DENND11: variants seen among roughly 807,000 people sequenced by gnomAD.
The protein encoded by DENND11 is DENN domain containing 11, also known as DENN domain-containing protein 11.
A neutral mutation model predicts 49.2 loss-of-function variants in DENND11; 34 were observed. The observed-to-expected ratio is 0.69, with a 90% confidence interval of 0.53 to 0.92. The LOEUF (loss-of-function observed/expected upper bound fraction) is 0.92, where lower values mean the gene tolerates loss of function less well. Ranked by LOEUF, DENND11 falls within the 40% of genes least tolerant of loss-of-function variation. The pLI, the probability that DENND11 is intolerant of heterozygous loss-of-function variation, is 0.00. For synonymous variants in DENND11, 238 were observed against 230.3 expected (o/e 1.03, Z -0.30); for missense variants, 475 against 581.6 (o/e 0.82, Z 1.88).
intron 4 of DENND11, among the ~76,000 whole-genome samples, chr7:141,671,200 G>T (rs991678880): frequency 1.3e-5 from 2 of 152,108 alleles, no homozygotes; most frequent in Non-Finnish European, 2.9e-5. Context: ...TTTATTTAGA[G>T]AAGTCTCACT....
At chr7:141,682,182 T>C (rs1798157593) in intron 3 of DENND11, among the ~76,000 whole-genome samples, 2 of 152,154 alleles carry the variant, frequency 1.3e-5, no homozygotes, top group South Asian at 4.1e-4. Flanking sequence ...TACTGCGCAC[T>C]ACAGAGAAAT....
chr7:141,668,839 CTT>C (rs1383317045), intron 4 of DENND11, among the ~76,000 whole-genome samples: 2 of 151,890 alleles, frequency 1.3e-5, no homozygotes, highest in Non-Finnish European at 2.9e-5. Context: ...ATTGAAATCT[CTT>C]TCCCTTTTTC....
At chr7:141,695,703 G>A (rs757586865) in intron 1 of DENND11, among the ~76,000 whole-genome samples, 12 of 152,176 alleles carry the variant, frequency 7.9e-5, no homozygotes, top group Non-Finnish European at 1.3e-4. Context: ...CAACAAAAGA[G>A]GTCATCTCAT....
intron 1 of DENND11, among the ~76,000 whole-genome samples, chr7:141,698,968 T>A (rs879264045): frequency 1.4e-5 from 1 of 69,418 alleles, no homozygotes; most frequent in South Asian, 4.8e-4. Context: ...GGGTGTGGGG[T>A]GGGGGGAGGA....
chr7:141,678,118 C>T (rs1398850894), intron 3 of DENND11, among the ~76,000 whole-genome samples: 3 of 152,060 alleles, frequency 2.0e-5, no homozygotes, highest in Non-Finnish European at 2.9e-5. Flanking sequence ...CACACTGCCA[C>T]GCCCAGCTAA....
chr7:141,669,861 G>C (rs370266423), intron 4 of DENND11, among the ~76,000 whole-genome samples: 12 of 140,184 alleles, frequency 8.6e-5, no homozygotes, highest in East Asian at 8.3e-4. Flanking sequence ...CCAGGCTGGA[G>C]TGCAGTGGCG....
chr7:141,665,386 C>T lies in DENND11; in HGVS notation c.821-68G>A, dbSNP rs779704935. 1.2e-4 allele frequency: 191 copies of T among 1,584,176 alleles called. 1 individual carries two copies. The Middle Eastern group carries it at 2.0e-3, about 17-fold the overall frequency. On this transcript the variant is annotated intron_variant, in intron 5 of 8. Transcript: ENST00000536163. ...ACAGCCCTTCCTCCCTCGGAGCCTG[C>T]GGCTCAACACCTCTGCTCCAGGCTA...
chr7:141,692,145 C>T (rs1428683034), intron 1 of DENND11, among the ~76,000 whole-genome samples: 1 of 152,170 alleles, frequency 6.6e-6, no homozygotes, highest in Non-Finnish European at 1.5e-5. Flanking sequence ...ACTTTTATCA[C>T]TTACTGGATT....
intron 1 of DENND11, among the ~76,000 whole-genome samples, chr7:141,688,302 GA>G (rs781026585): frequency 6.6e-6 from 1 of 152,146 alleles, no homozygotes; most frequent in Non-Finnish European, 1.5e-5. Flanking sequence ...CTAGGCATTA[GA>G]AAAACCATCA....
chr7:141,700,312 T>C (rs930015507), intron 1 of DENND11, among the ~76,000 whole-genome samples: 4 of 152,138 alleles, frequency 2.6e-5, no homozygotes, highest in African/African-American at 9.7e-5. Context: ...TATTGGTTTT[T>C]GTCTAGCATT....
chr7:141,687,324 G>T (rs1798258045), intron 1 of DENND11, among the ~76,000 whole-genome samples: 1 of 152,092 alleles, frequency 6.6e-6, no homozygotes, highest in Non-Finnish European at 1.5e-5. Context: ...TGATTATTCA[G>T]TTTCTCCTGA....
chr7:141,696,074 C>G (rs375984259), intron 1 of DENND11, among the ~76,000 whole-genome samples: 94 of 152,280 alleles, frequency 6.2e-4, no homozygotes, highest in African/African-American at 2.2e-3. Flanking sequence ...GCTCAGTTAC[C>G]CAGGCAAAGC....
chr7:141,682,709 G>A (rs1007365241), intron 3 of DENND11, among the ~76,000 whole-genome samples: 2 of 152,076 alleles, frequency 1.3e-5, no homozygotes, highest in Admixed American at 6.5e-5. Flanking sequence ...CTACCTCTAC[G>A]CTATGACATG....
chr7:141,664,774 A>T, intron 7 of DENND11, 130 bp downstream of exon 7: 1 of 1,106,706 alleles, frequency 9.0e-7, no homozygotes, highest in Non-Finnish European at 1.3e-6. Context: ...TTCCATCTCC[A>T]TCCCAGGCAG....
At chr7:141,700,477 GA>G (rs201716585) in intron 1 of DENND11, among the ~76,000 whole-genome samples, 273 of 117,464 alleles carry the variant, frequency 2.3e-3, no homozygotes, top group Admixed American at 6.2e-3. Flanking sequence ...GACACTGTCT[GA>G]AAAAAAAAAA....
At chr7:141,670,462 C>T (rs1226223141) in intron 4 of DENND11, among the ~76,000 whole-genome samples, 1 of 152,066 alleles carries the variant, frequency 6.6e-6, no homozygotes, top group Non-Finnish European at 1.5e-5. Context: ...CATGTAAAAA[C>T]CAACATAGTA....
At chr7:141,692,161 C>A (rs935014748) in intron 1 of DENND11, among the ~76,000 whole-genome samples, 1 of 152,134 alleles carries the variant, frequency 6.6e-6, no homozygotes, top group Middle Eastern at 3.2e-3. Context: ...GGATTTGTGT[C>A]AATGCAACAG....
At chr7:141,699,376 G>C (rs892001054) in intron 1 of DENND11, among the ~76,000 whole-genome samples, 4 of 152,024 alleles carry the variant, frequency 2.6e-5, no homozygotes, top group African/African-American at 9.7e-5. Context: ...CAGAAGCTCA[G>C]TAGCATTCAT....
At chr7:141,686,873 C>T (rs1157262792) in intron 1 of DENND11, among the ~76,000 whole-genome samples, 2 of 152,158 alleles carry the variant, frequency 1.3e-5, no homozygotes, top group African/African-American at 4.8e-5. Context: ...CCATTTCTGC[C>T]CTCAAACACT....
Sources: gnomAD v4.1 joint callset for allele counts (sites outside exome capture counted in the v4.1 genomes callset) on GRCh38, gnomAD v4.1.1 for gene constraint, MANE v1.5 for transcripts, NCBI Gene and HGNC (gene_info 2026-07-23, HGNC 2026-07-21) for gene names.